Variants in PIEZO2 observed in about 807,000 individuals in gnomAD.
PIEZO2 encodes the protein piezo-type mechanosensitive ion channel component 2.
In PIEZO2, 172 loss-of-function variants were observed where a neutral mutation model predicts 337.3. The ratio of observed to expected loss-of-function variants is 0.51; its 90% CI spans 0.45 to 0.58. The LOEUF (loss-of-function observed/expected upper bound fraction) is 0.58, where lower values mean the gene tolerates loss of function less well. PIEZO2 is among the 20% of genes least tolerant of loss of function. The pLI is 0.00. For missense variants in PIEZO2, 3,028 were observed against 3,391.3 expected (o/e 0.89, Z 2.66); for synonymous variants, 1,251 against 1,228.5 (o/e 1.02, Z -0.38).
Position 11,032,457 on chromosome 18 carries a change from G to A in PIEZO2, c.160+33670C>T, listed in dbSNP as rs990958433. 6.6e-6 allele frequency among the ~76,000 whole-genome samples: 1 copy of A among 152,182 alleles called. No individual in the cohort carries two copies. The highest frequency in any genetic ancestry group is 1.5e-5 in the Non-Finnish European group (1 of 68,046). ...TCAGCTCTTGCTCTATTAGAATACG[G>A]AGCTATTCTTGGCATGCTCTCGAGT... On this transcript the variant is annotated intron_variant, in intron 2 of 55. Coordinates refer to ENST00000674853, the MANE Select transcript of PIEZO2 (RefSeq NM_001378183.1). This position sits in a 1 kb window ranked among gnomAD's most constrained non-coding sequence, Gnocchi z 4.9.
intron 5 of PIEZO2, among the ~76,000 whole-genome samples, chr18:10,868,486 A>G (rs2042060573): frequency 6.6e-6 from 1 of 152,184 alleles, no homozygotes; most frequent in African/African-American, 2.4e-5. Flanking sequence ...GGGCTACCTG[A>G]TGGGCTGGAA....
chr18:10,967,018 GTT>G (rs1281379698), intron 3 of PIEZO2, among the ~76,000 whole-genome samples: 1 of 122,850 alleles, frequency 8.1e-6, no homozygotes, highest in Non-Finnish European at 1.6e-5. Context: ...TCTGTTTTTT[GTT>G]TTTTTTTTTT....
chr18:11,118,723 A>C (rs568695694), intron 1 of PIEZO2, among the ~76,000 whole-genome samples: 2 of 151,592 alleles, frequency 1.3e-5, no homozygotes, highest in African/African-American at 4.8e-5. Context: ...AAGTTGGTCA[A>C]ATGAAAATCA....
chr18:11,071,706 A>G (rs2038343875), intron 1 of PIEZO2, among the ~76,000 whole-genome samples: 1 of 152,178 alleles, frequency 6.6e-6, no homozygotes, highest in Admixed American at 6.5e-5. Flanking sequence ...GTCAATTCCC[A>G]TAGGAGAAGC....
intron 45 of PIEZO2, among the ~76,000 whole-genome samples, chr18:10,696,894 C>A (rs2035115897): frequency 6.6e-6 from 1 of 152,246 alleles, no homozygotes. Flanking sequence ...GCTATGTAAC[C>A]TCTGTGTTTA....
rs117889522 is a variant in PIEZO2, at chr18:10,754,557, G to A, written c.3924-1678C>T. 6.8e-3 allele frequency among the ~76,000 whole-genome samples: 1,041 copies of A among 152,296 alleles called. 4 individuals are homozygous for A. Among genetic ancestry groups the A allele is most frequent in the Non-Finnish European group, 8.6e-3 (586 of 68,022 alleles). ...TGGCACACAAAAGCTTTCCATTTGA[G>A]TTATGATTTAGGTTTTTCATGAATA... is the stretch of plus-strand genomic sequence containing the variant. On this transcript the variant is annotated intron_variant, in intron 27 of 55. Transcript: ENST00000674853.
chr18:10,823,757 C>A (rs924398970), intron 7 of PIEZO2, among the ~76,000 whole-genome samples: 5 of 152,148 alleles, frequency 3.3e-5, no homozygotes, highest in African/African-American at 1.2e-4. Flanking sequence ...AAGAATCCCA[C>A]AATAATTTAC....
chr18:10,700,583 T>G (rs1052301379), intron 43 of PIEZO2, among the ~76,000 whole-genome samples: 1 of 152,144 alleles, frequency 6.6e-6, no homozygotes, highest in South Asian at 2.1e-4. Flanking sequence ...GATGAAAAGA[T>G]AGTAAAAGTG....
intron 20 of PIEZO2, among the ~76,000 whole-genome samples, chr18:10,771,475 T>G (rs2038602340): frequency 6.6e-6 from 1 of 152,258 alleles, no homozygotes; most frequent in Non-Finnish European, 1.5e-5. Context: ...AATATCAGCC[T>G]GTCTTGTTTG....
chr18:10,675,670 A>G (rs1190121110), intron 53 of PIEZO2, among the ~76,000 whole-genome samples: 1 of 152,192 alleles, frequency 6.6e-6, no homozygotes, highest in Non-Finnish European at 1.5e-5. Flanking sequence ...ATTTTCAAAC[A>G]TACCTATAAT....
chr18:11,093,294 C>T (rs966189841), intron 1 of PIEZO2, among the ~76,000 whole-genome samples: 3 of 152,208 alleles, frequency 2.0e-5, no homozygotes, highest in Non-Finnish European at 2.9e-5. Context: ...ACATGGCAAA[C>T]CCTGTCTATC....
In PIEZO2 at chr18:10,748,802, C is replaced by T. The variant is rs1465848382; in HGVS notation, c.4265-172G>A. Among the ~76,000 whole-genome samples the T allele has an allele frequency of 6.6e-6, 1 of 152,136 alleles. No homozygotes were observed. The highest frequency in any genetic ancestry group is 2.4e-5 in the African/African-American group (1 of 41,430). ...ACAAGGAGATCACACACTTCCAATC[C>T]AATATCAACACTGATTCATAAGGCT... On this transcript the variant is annotated intron_variant, in intron 29 of 55. Coordinates refer to ENST00000674853, the MANE Select transcript of PIEZO2 (RefSeq NM_001378183.1). The surrounding 1 kb of genome is among the most constrained non-coding windows in gnomAD (Gnocchi z 5.1).
chr18:10,689,826 G>A (rs753721126), intron 48 of PIEZO2, 24 bp from the exon 49 acceptor site: 6 of 1,586,476 alleles, frequency 3.8e-6, no homozygotes, highest in East Asian at 2.2e-5. Flanking sequence ...CATCTCGTCA[G>A]AGAGACATTC....
chr18:10,715,024 T>C (rs984625927), intron 38 of PIEZO2, 94 bp from the exon 39 acceptor site: 11 of 1,252,824 alleles, frequency 8.8e-6, no homozygotes, highest in Non-Finnish European at 1.2e-5. Flanking sequence ...TTCATACCCA[T>C]GCATGCCTGG....
In PIEZO2 at chr18:11,021,415, G is replaced by A. The variant is rs1380382613; in HGVS notation, c.161-41755C>T. Among the ~76,000 whole-genome samples the A allele has an allele frequency of 6.6e-6, 1 of 151,568 alleles. No individual in the cohort carries two copies. Among genetic ancestry groups the A allele is most frequent in the African/African-American group, 2.4e-5 (1 of 41,218 alleles). On this transcript the variant is annotated intron_variant, in intron 2 of 55. Transcript: ENST00000674853. The surrounding 1 kb of genome is among the most constrained non-coding windows in gnomAD (Gnocchi z 4.7). ...CTTGTATTCCATGCAACCTGCGTGT[G>A]TCTGAAACAATGTTTCCTTCTCTCC...
intron 1 of PIEZO2, among the ~76,000 whole-genome samples, chr18:11,068,262 T>C (rs1050699484): frequency 1.2e-4 from 19 of 152,152 alleles, no homozygotes; most frequent in African/African-American, 4.1e-4. Flanking sequence ...ATTCTCAGAA[T>C]AGAGCATAAG....
At chr18:10,675,075 G>C in intron 54 of PIEZO2, 134 bp downstream of exon 54, 2 of 539,766 alleles carry the variant, frequency 3.7e-6, no homozygotes, top group Non-Finnish European at 6.6e-6. Flanking sequence ...GGCTGTCAGG[G>C]GTTTCATATA....
In PIEZO2 at chr18:10,790,896, G is replaced by A. The variant is rs545566751; in HGVS notation, c.1882+305C>T. Reference sequence around the variant, plus strand: ...GTTTTTTGTATTTTTAGTAAAGGCGGGTTTTCACCGTGTTAGCCAGGATGG... The same window carrying A: ...GTTTTTTGTATTTTTAGTAAAGGCGAGTTTTCACCGTGTTAGCCAGGATGG... On this transcript the variant is annotated intron_variant, in intron 14 of 55. Transcript: ENST00000674853. Among the ~76,000 whole-genome samples the A allele has an allele frequency of 4.4e-4, 67 of 152,136 alleles. 1 individual carries two copies. Among genetic ancestry groups the A allele is most frequent in the African/African-American group, 1.5e-3 (61 of 41,526 alleles).
At chr18:10,849,357 G>A (rs755878758) in intron 7 of PIEZO2, among the ~76,000 whole-genome samples, 6 of 152,176 alleles carry the variant, frequency 3.9e-5, no homozygotes, top group Non-Finnish European at 7.3e-5. Flanking sequence ...TCACAAGGAC[G>A]CAGGCTGTGA....
Sources: allele counts gnomAD v4.1 joint callset (sites outside exome capture counted in the v4.1 genomes callset), GRCh38; gene constraint gnomAD v4.1.1; non-coding constraint Gnocchi (gnomAD v3.1); transcripts MANE v1.5; gene names NCBI Gene and HGNC (gene_info 2026-07-23, HGNC 2026-07-21).